Variants in ARID4B observed in about 807,000 individuals in gnomAD.
The protein encoded by ARID4B is AT-rich interaction domain 4B.
ARID4B carries 26 observed loss-of-function variants against 147.5 expected under a neutral mutation model. That is an observed-to-expected ratio of 0.18 (90% CI 0.13 to 0.24). The LOEUF (loss-of-function observed/expected upper bound fraction) is 0.24. Ranked by LOEUF, ARID4B falls within the 10% of genes least tolerant of loss-of-function variation. The pLI, the probability that ARID4B is intolerant of heterozygous loss-of-function variation, is 1.00. For missense variants in ARID4B, 1,179 were observed against 1,511.5 expected (o/e 0.78, Z 3.65); for synonymous variants, 512 against 507.9 (o/e 1.01, Z -0.11).
At chr1:235,252,587 G>GGC (rs1669712344) in intron 6 of ARID4B, 143 bp downstream of exon 6, 1 of 558,842 alleles carries the variant, frequency 1.8e-6, no homozygotes, top group African/African-American at 2.0e-5. Context: ...CCTTAAACAG[G>GGC]CTTCACAGAT....
At chr1:235,281,972 T>G (rs1671696687) in intron 2 of ARID4B, among the ~76,000 whole-genome samples, 1 of 152,198 alleles carries the variant, frequency 6.6e-6, no homozygotes, top group Admixed American at 6.5e-5. Context: ...CTCTAAAACT[T>G]TCCTATTTTG....
At chr1:235,302,983 T>A (rs1404658335) in intron 2 of ARID4B, among the ~76,000 whole-genome samples, 1 of 151,622 alleles carries the variant, frequency 6.6e-6, no homozygotes, top group Non-Finnish European at 1.5e-5. Context: ...TGGAGTGCAG[T>A]GGCGCGATCG....
At chr1:235,186,442 G>A (rs1034868297) in intron 19 of ARID4B, among the ~76,000 whole-genome samples, 2 of 147,212 alleles carry the variant, frequency 1.4e-5, no homozygotes, top group East Asian at 2.0e-4. Context: ...ACAGAGTCTC[G>A]CTCTGTTGCC....
At chr1:235,229,467 T>G in intron 10 of ARID4B, 82 bp from the exon 11 acceptor site, 1 of 970,732 alleles carries the variant, frequency 1.0e-6, no homozygotes, top group Non-Finnish European at 1.6e-6. Flanking sequence ...GATAAAGAAA[T>G]AAAAACTACT....
rs777040798 is a variant in ARID4B at position 235,177,829 on chromosome 1, A to C, written c.3419T>G (p.Val1140Gly). 15 of 1,611,976 alleles carry C rather than the reference A, an allele frequency of 9.3e-6. No homozygotes were observed. The Admixed American group carries it at 2.3e-4, about 25-fold the overall frequency. ...TTTTCCCTTCTTTTTGTTGTTTACC[A>C]CTGTTGCTTTATGGCTTCTTTTCTG... ...KKQKRSHKAT[V>G]VNNKKKGKGT... The change falls in exon 21 of 24, where the codon GTG becomes GGG. Residue 1140 changes from valine to glycine, a missense_variant. Transcript: ENST00000264183.
At chr1:235,308,205 T>C (rs1450306849) in intron 2 of ARID4B, among the ~76,000 whole-genome samples, 2 of 150,110 alleles carry the variant, frequency 1.3e-5, no homozygotes, top group Non-Finnish European at 3.0e-5. Context: ...GTTCAGGCAC[T>C]TCTCCTGTCT....
chr1:235,324,097 G>A (rs996539858), intron 2 of ARID4B, among the ~76,000 whole-genome samples: 1 of 151,740 alleles, frequency 6.6e-6, no homozygotes, highest in African/African-American at 2.4e-5. Context: ...AAGAGACAGG[G>A]TTTTACTACG....
chr1:235,225,067 TGTTTTG>T (rs974019541), intron 11 of ARID4B, among the ~76,000 whole-genome samples: 190 of 117,704 alleles, frequency 1.6e-3, no homozygotes, highest in African/African-American at 5.6e-3. Context: ...TGTTTTGTTT[TGTTTTG>T]TTTTTTTTAC....
chr1:235,191,972 G>A (rs147844497), intron 19 of ARID4B, among the ~76,000 whole-genome samples: 1 of 152,074 alleles, frequency 6.6e-6, no homozygotes, highest in African/African-American at 2.4e-5. Flanking sequence ...CAGCTACTTA[G>A]GAGGCTGAGA....
chr1:235,170,742 A>G (rs1196367914), intron 23 of ARID4B, among the ~76,000 whole-genome samples: 1 of 151,708 alleles, frequency 6.6e-6, no homozygotes, highest in Non-Finnish European at 1.5e-5. Flanking sequence ...TGTCTCAAAA[A>G]TTAATAATAA....
intron 16 of ARID4B, among the ~76,000 whole-genome samples, chr1:235,216,067 C>T (rs1667052989): frequency 6.6e-6 from 1 of 151,768 alleles, no homozygotes; most frequent in African/African-American, 2.4e-5. Flanking sequence ...TTTTATTCTC[C>T]TTGTCCTTTT....
At chr1:235,268,699 G>A (rs1167769064) in intron 2 of ARID4B, among the ~76,000 whole-genome samples, 5 of 152,008 alleles carry the variant, frequency 3.3e-5, no homozygotes, top group African/African-American at 1.2e-4. Flanking sequence ...CAGCTAATTA[G>A]TAGAGACGGG....
At chr1:235,260,049 G>A (rs1670203552) in intron 3 of ARID4B, among the ~76,000 whole-genome samples, 1 of 152,100 alleles carries the variant, frequency 6.6e-6, no homozygotes, top group Admixed American at 6.5e-5. Context: ...ATTTTTCAGT[G>A]CTGATAATTT....
intron 8 of ARID4B, among the ~76,000 whole-genome samples, chr1:235,236,833 A>AAAAAAATATATATAT (rs1175189621): frequency 3.0e-5 from 1 of 33,522 alleles, no homozygotes; most frequent in African/African-American, 1.5e-4. Context: ...TTTTATAAAA[A>AAAAAAATATATATAT]ATATATATAT....
intron 2 of ARID4B, among the ~76,000 whole-genome samples, chr1:235,307,085 G>T (rs999791136): frequency 3.3e-5 from 5 of 152,008 alleles, no homozygotes; most frequent in Non-Finnish European, 5.9e-5. Flanking sequence ...ACAAATTACA[G>T]AGAAAAAAAA....
At chr1:235,181,351 G>C (rs928346258) in intron 20 of ARID4B, 2 of 662,952 alleles carry the variant, frequency 3.0e-6, no homozygotes, top group African/African-American at 1.8e-5. Flanking sequence ...CATGTGTTCT[G>C]GTCCACAATA....
chr1:235,168,732 C>G, intron 23 of ARID4B, 80 bp from the exon 24 acceptor site: 1 of 1,451,508 alleles, frequency 6.9e-7, no homozygotes, highest in Middle Eastern at 2.2e-4. Flanking sequence ...GTCCTCTGAA[C>G]TAAAATTCCG....
At chr1:235,230,960 A>G (rs996747604) in intron 10 of ARID4B, among the ~76,000 whole-genome samples, 153 bp downstream of exon 10, 3 of 152,012 alleles carry the variant, frequency 2.0e-5, no homozygotes, top group Non-Finnish European at 4.4e-5. Context: ...CAGAAGACAC[A>G]TGGGTTTATA....
intron 2 of ARID4B, among the ~76,000 whole-genome samples, chr1:235,325,057 T>C (rs78110026): frequency 6.6e-6 from 1 of 152,208 alleles, no homozygotes; most frequent in Non-Finnish European, 1.5e-5. Flanking sequence ...TCATCTTTTA[T>C]CACATAAGAA....
Sources: gnomAD v4.1 joint callset for allele counts (sites outside exome capture counted in the v4.1 genomes callset) on GRCh38, gnomAD v4.1.1 for gene constraint, MANE v1.5 for transcripts, NCBI Gene and HGNC (gene_info 2026-07-23, HGNC 2026-07-21) for gene names.